Variants in PCDH11X observed in about 807,000 individuals in gnomAD.
PCDH11X encodes the protein protocadherin-11 X-linked.
A neutral mutation model predicts 53.3 loss-of-function variants in PCDH11X; 18 were observed. That is an observed-to-expected ratio of 0.34 (90% CI 0.23 to 0.50). The LOEUF (loss-of-function observed/expected upper bound fraction) is 0.50. Among genes scored for constraint, PCDH11X ranks in the 20% least tolerant of loss-of-function variants. PCDH11X has a pLI of 0.98. For missense variants in PCDH11X, 570 were observed against 1,032.4 expected (o/e 0.55, Z 6.14); for synonymous variants, 279 against 393.3 (o/e 0.71, Z 3.44).
intron 6 of PCDH11X, among the ~76,000 whole-genome samples, chrX:91,968,920 C>T (rs1602584294): frequency 9.0e-6 from 1 of 111,405 alleles, no homozygotes; most frequent in Non-Finnish European, 1.9e-5. Flanking sequence ...CAACTTAGAA[C>T]TAAAAAAAGG....
chrX:92,453,740 G>A (rs982624993), intron 9 of PCDH11X, among the ~76,000 whole-genome samples: 5 of 110,952 alleles, frequency 4.5e-5, no homozygotes, highest in South Asian at 3.8e-4. Context: ...TTGAAATAGC[G>A]TTTAAAATAC....
chrX:92,298,160 T>C (rs1339176898), intron 8 of PCDH11X, among the ~76,000 whole-genome samples: 2 of 111,688 alleles, frequency 1.8e-5, no homozygotes, highest in African/African-American at 6.5e-5. Flanking sequence ...CTGATTGCTC[T>C]GTCCAGGATT....
chrX:92,016,963 CTTAGAGGCCATT>C (rs1386901507), intron 6 of PCDH11X, among the ~76,000 whole-genome samples: 37 of 100,574 alleles, frequency 3.7e-4, no homozygotes, highest in African/African-American at 1.3e-3. Context: ...CATTTGAACA[CTTAGAGGCCATT>C]TTAGCGTCAT....
chrX:92,052,794 C>T (rs1346426529), intron 6 of PCDH11X, among the ~76,000 whole-genome samples: 2 of 103,533 alleles, frequency 1.9e-5, no homozygotes, highest in Admixed American at 2.2e-4. Context: ...AAATATAGCA[C>T]TTTCCCTAGA....
chrX:92,123,115 G>C (rs1249009058), intron 6 of PCDH11X, among the ~76,000 whole-genome samples: 1 of 111,024 alleles, frequency 9.0e-6, no homozygotes, highest in African/African-American at 3.3e-5. Flanking sequence ...TTCCTCACCT[G>C]AAATTCCTGT....
intron 9 of PCDH11X, among the ~76,000 whole-genome samples, chrX:92,390,217 C>G (rs1441513831): frequency 1.8e-5 from 2 of 108,517 alleles, no homozygotes; most frequent in Non-Finnish European, 3.8e-5. Context: ...TGTGAAACCT[C>G]CCCCCTAAAT....
At chrX:92,421,899 T>C (rs1471131980) in intron 9 of PCDH11X, among the ~76,000 whole-genome samples, 1 of 111,573 alleles carries the variant, frequency 9.0e-6, no homozygotes, top group Non-Finnish European at 1.9e-5. Context: ...CACTTTTTAA[T>C]GGAGTTGTTT....
intron 7 of PCDH11X, among the ~76,000 whole-genome samples, chrX:92,207,545 T>G (rs2066497616): frequency 9.0e-6 from 1 of 111,582 alleles, no homozygotes; most frequent in Non-Finnish European, 1.9e-5. Flanking sequence ...AAAAAATTAT[T>G]CTACTAAGAT....
At chrX:92,462,049 G>A (rs1256554788) in intron 9 of PCDH11X, among the ~76,000 whole-genome samples, 1 of 111,495 alleles carries the variant, frequency 9.0e-6, no homozygotes, top group Non-Finnish European at 1.9e-5. Context: ...TTTTAAATTA[G>A]TTTGTAATAG....
intron 9 of PCDH11X, among the ~76,000 whole-genome samples, chrX:92,410,743 T>C (rs1473501688): frequency 2.1e-5 from 2 of 96,035 alleles, no homozygotes; most frequent in African/African-American, 9.7e-5. Context: ...TAGAAGCTCG[T>C]ATTTTGAATC....
intron 9 of PCDH11X, among the ~76,000 whole-genome samples, chrX:92,428,994 C>T (rs2072188508): frequency 9.0e-6 from 1 of 111,382 alleles, no homozygotes; most frequent in African/African-American, 3.3e-5. Flanking sequence ...TGACCAAATC[C>T]ATTCTAGATG....
At chrX:92,437,879 A>T (rs184400536) in intron 9 of PCDH11X, among the ~76,000 whole-genome samples, 46 of 110,831 alleles carry the variant, frequency 4.2e-4, no homozygotes, top group Non-Finnish European at 7.4e-4. Flanking sequence ...AAGATTTAAA[A>T]AATACAGCTA....
intron 6 of PCDH11X, among the ~76,000 whole-genome samples, chrX:92,168,384 C>A (rs1161588463): frequency 9.0e-6 from 1 of 110,903 alleles, no homozygotes; most frequent in Admixed American, 9.6e-5. Flanking sequence ...CATAGTGAGA[C>A]CTCAGCTCTA....
intron 1 of PCDH11X, among the ~76,000 whole-genome samples, chrX:91,794,955 A>T: frequency 9.2e-6 from 1 of 108,277 alleles, no homozygotes; most frequent in Non-Finnish European, 1.9e-5. Context: ...TCTCTGCACA[A>T]CCTCTTTCTT....
intron 6 of PCDH11X, among the ~76,000 whole-genome samples, chrX:91,969,786 C>T (rs1229915423): frequency 6.3e-5 from 6 of 95,028 alleles, no homozygotes; most frequent in African/African-American, 2.4e-4. Context: ...GACTGAGTCG[C>T]CCTTGTCTCA....
At chrX:92,120,617 A>C (rs1165182024) in intron 6 of PCDH11X, among the ~76,000 whole-genome samples, 1 of 112,595 alleles carries the variant, frequency 8.9e-6, no homozygotes, top group Non-Finnish European at 1.9e-5. Context: ...TTGTATTTTT[A>C]TTGTGACATC....
chrX:92,273,604 C>A (rs1432422778), intron 8 of PCDH11X, among the ~76,000 whole-genome samples: 1 of 109,712 alleles, frequency 9.1e-6, no homozygotes, highest in Admixed American at 9.8e-5. Flanking sequence ...AGAGAGTGGA[C>A]GATGTTTCTC....
chrX:92,308,766 C>T (rs1330564743), intron 8 of PCDH11X, among the ~76,000 whole-genome samples: 1 of 111,094 alleles, frequency 9.0e-6, no homozygotes, highest in East Asian at 2.8e-4. Flanking sequence ...TCCAGAATAG[C>T]TAAAGTATTC....
At chrX:92,618,126 C>A in intron 10 of PCDH11X, 138 bp from the exon 11 acceptor site, 1 of 811,584 alleles carries the variant, frequency 1.2e-6, no homozygotes, top group East Asian at 3.4e-5. Flanking sequence ...ATTAAAAATA[C>A]CAACTCTATA....
Sources: allele counts gnomAD v4.1 joint callset (sites outside exome capture counted in the v4.1 genomes callset), GRCh38; gene constraint gnomAD v4.1.1; transcripts MANE v1.5; gene names NCBI Gene and HGNC (gene_info 2026-07-23, HGNC 2026-07-21).